Variants in PPP1R9A observed in about 807,000 individuals in gnomAD.
The protein encoded by PPP1R9A is protein phosphatase 1 regulatory subunit 9A.
In PPP1R9A, 59 loss-of-function variants were observed where a neutral mutation model predicts 141.9. That is an observed-to-expected ratio of 0.42 (90% CI 0.34 to 0.52). The LOEUF is 0.52. Among genes scored for constraint, PPP1R9A ranks in the 20% least tolerant of loss-of-function variants. The probability of loss-of-function intolerance (pLI) is 0.10; values close to 1 mark genes in which losing one functional copy is unlikely to be tolerated. For synonymous variants in PPP1R9A, 500 were observed against 569.7 expected, an observed-to-expected ratio of 0.88 and a Z score of 1.74; for missense variants, 1,444 against 1,611.9, an observed-to-expected ratio of 0.90 and a Z score of 1.78.
intron 5 of PPP1R9A, among the ~76,000 whole-genome samples, chr7:95,182,362 A>C (rs542784883): frequency 6.6e-6 from 1 of 152,090 alleles, no homozygotes; most frequent in Admixed American, 6.6e-5. Flanking sequence ...ATATAAATGA[A>C]TGACACATGA....
At chr7:95,175,469 A>G (rs1832763614) in intron 5 of PPP1R9A, among the ~76,000 whole-genome samples, 1 of 151,948 alleles carries the variant, frequency 6.6e-6, no homozygotes, top group African/African-American at 2.4e-5. Flanking sequence ...CTATATATAA[A>G]AGTTAAAATA....
intron 2 of PPP1R9A, among the ~76,000 whole-genome samples, chr7:94,965,572 A>T (rs1798113629): frequency 6.6e-6 from 1 of 152,186 alleles, no homozygotes; most frequent in Non-Finnish European, 1.5e-5. Context: ...TTTATTAAAT[A>T]GGGAATCCAT....
intron 3 of PPP1R9A, among the ~76,000 whole-genome samples, 164 bp from the exon 4 acceptor site, chr7:95,120,548 C>G (rs943771198): frequency 1.3e-5 from 2 of 152,016 alleles, no homozygotes; most frequent in Non-Finnish European, 2.9e-5. Flanking sequence ...CATTAGATAC[C>G]CTTACTGCGT....
chr7:94,999,445 G>T (rs1802586312), intron 2 of PPP1R9A, among the ~76,000 whole-genome samples: 2 of 152,148 alleles, frequency 1.3e-5, no homozygotes, highest in Admixed American at 1.3e-4. Context: ...CAGTCTACTG[G>T]TTATAGCTAG....
At chr7:95,130,750 C>T (rs963409858) in intron 4 of PPP1R9A, among the ~76,000 whole-genome samples, 2 of 152,186 alleles carry the variant, frequency 1.3e-5, no homozygotes, top group African/African-American at 4.8e-5. Flanking sequence ...GGATGTGAGA[C>T]ATGGAGTCAA....
chr7:95,136,550 GA>G (rs1825699068), intron 4 of PPP1R9A, among the ~76,000 whole-genome samples: 1 of 152,202 alleles, frequency 6.6e-6, no homozygotes, highest in Non-Finnish European at 1.5e-5. Flanking sequence ...TAGATAGTCT[GA>G]GAAAATAACA....
At chr7:95,201,139 A>ATGC (rs2152868456) in intron 6 of PPP1R9A, among the ~76,000 whole-genome samples, 1 of 152,334 alleles carries the variant, frequency 6.6e-6, no homozygotes, top group East Asian at 1.9e-4. Context: ...TATTTTCTCT[A>ATGC]TGCAACAGTC....
chr7:95,036,284 C>T (rs1182983364), intron 2 of PPP1R9A: 7 of 152,130 alleles, frequency 4.6e-5, no homozygotes, highest in Non-Finnish European at 1.0e-4. Flanking sequence ...ATTAGTTCCA[C>T]AGACACACAG....
intron 2 of PPP1R9A, among the ~76,000 whole-genome samples, chr7:94,913,994 T>C (rs1213264055): frequency 6.6e-6 from 1 of 152,162 alleles, no homozygotes; most frequent in East Asian, 1.9e-4. Context: ...TGAAAGGGAT[T>C]TGATAGATTA....
chr7:95,065,999 T>C (rs1241831804), intron 2 of PPP1R9A, among the ~76,000 whole-genome samples: 2 of 152,174 alleles, frequency 1.3e-5, no homozygotes, highest in Non-Finnish European at 2.9e-5. Flanking sequence ...ATCAACTTTA[T>C]AGAAATGTAT....
At chr7:95,268,231 T>C (rs1197421289) in intron 12 of PPP1R9A, among the ~76,000 whole-genome samples, 1 of 152,172 alleles carries the variant, frequency 6.6e-6, no homozygotes, top group East Asian at 1.9e-4. Flanking sequence ...GTCATCTAAC[T>C]TCCCAACATG....
chr7:94,913,177 C>G (rs150248041), intron 2 of PPP1R9A, among the ~76,000 whole-genome samples: 107 of 152,224 alleles, frequency 7.0e-4, no homozygotes, highest in African/African-American at 2.4e-3. Context: ...CCCAGTCAAC[C>G]AAGTGGGACA....
chr7:94,922,959 C>T (rs987699621), intron 2 of PPP1R9A, among the ~76,000 whole-genome samples: 1 of 152,034 alleles, frequency 6.6e-6, no homozygotes, highest in African/African-American at 2.4e-5. Context: ...TTTTAATGTA[C>T]TTTTATTTGG....
intron 2 of PPP1R9A, among the ~76,000 whole-genome samples, chr7:94,979,269 T>A (rs73425011): frequency 6.6e-6 from 1 of 152,204 alleles, no homozygotes; most frequent in African/African-American, 2.4e-5. Flanking sequence ...CCAGATTACA[T>A]TTTTAGTTTT....
At chr7:94,998,084 G>T (rs756525777) in intron 2 of PPP1R9A, among the ~76,000 whole-genome samples, 29 of 152,106 alleles carry the variant, frequency 1.9e-4, no homozygotes, top group Non-Finnish European at 3.1e-4. Flanking sequence ...TTTAATAGAA[G>T]AATTTATTTT....
At chr7:95,268,522 C>T (rs201493324) in intron 12 of PPP1R9A, 28 bp from the exon 13 acceptor site, 157 of 1,611,120 alleles carry the variant, frequency 9.7e-5, no homozygotes, top group Middle Eastern at 1.7e-4. Flanking sequence ...AAAGGTTTCT[C>T]TCACTGATTA....
At chr7:95,209,667 A>G (rs1183034880) in intron 7 of PPP1R9A, among the ~76,000 whole-genome samples, 2 of 152,126 alleles carry the variant, frequency 1.3e-5, no homozygotes, top group African/African-American at 2.4e-5. Flanking sequence ...AATACCACCA[A>G]TGACATTTGT....
chr7:94,989,947 T>C (rs1584146065), intron 2 of PPP1R9A, among the ~76,000 whole-genome samples: 1 of 152,140 alleles, frequency 6.6e-6, no homozygotes, highest in Middle Eastern at 3.4e-3. Context: ...AAAAGACTCT[T>C]TGTTGATCGA....
intron 4 of PPP1R9A, among the ~76,000 whole-genome samples, chr7:95,157,258 TC>T (rs541431674): frequency 2.0e-5 from 3 of 151,006 alleles, no homozygotes; most frequent in Non-Finnish European, 3.0e-5. Context: ...GCTCCCCCTC[TC>T]CCCCCCCAGA....
Sources: allele counts gnomAD v4.1 joint callset (sites outside exome capture counted in the v4.1 genomes callset), GRCh38; gene constraint gnomAD v4.1.1; transcripts MANE v1.5; gene names NCBI Gene and HGNC (gene_info 2026-07-23, HGNC 2026-07-21).